Variants in SEC24C observed in about 807,000 individuals in gnomAD.
The protein encoded by SEC24C is protein transport protein Sec24C.
A neutral mutation model predicts 117.0 loss-of-function variants in SEC24C; 22 were observed. The ratio of observed to expected loss-of-function variants is 0.19; its 90% CI spans 0.13 to 0.27. The LOEUF (loss-of-function observed/expected upper bound fraction) is 0.27, where lower values mean the gene tolerates loss of function less well. Among genes scored for constraint, SEC24C ranks in the 10% least tolerant of loss-of-function variants. The pLI is 1.00. For synonymous variants in SEC24C, 506 were observed against 529.4 expected, an observed-to-expected ratio of 0.96 and a Z score of 0.61; for missense variants, 1,155 against 1,375.1, an observed-to-expected ratio of 0.84 and a Z score of 2.53.
intron 14 of SEC24C, 126 bp from the exon 15 acceptor site, chr10:73,767,711 A>G (rs1178203406): frequency 1.4e-6 from 1 of 697,380 alleles, no homozygotes; most frequent in Non-Finnish European, 2.2e-6. Flanking sequence ...TACTATTGGA[A>G]AATCCTTGGA....
rs755146407 is a variant in SEC24C, at chr10:73,751,235, G to C, written c.300G>C (p.Gln100His). The C allele has an allele frequency of 3.1e-6, 5 of 1,613,728 alleles. No homozygotes were observed. In the South Asian group the frequency reaches 3.3e-5, roughly 11 times the overall value. Reference sequence around the variant, plus strand: ...AGAATGGGCCAAGCTCCACTGTTCAGATGCAAAGGTAGGTACTTGGTCAAT... The same window carrying C: ...AGAATGGGCCAAGCTCCACTGTTCACATGCAAAGGTAGGTACTTGGTCAAT... The part of the protein sequence containing the change: ...DVQNGPSSTV[Q>H]MQRLPGSQPF... Residue 100 changes from glutamine (Q) to histidine (H), a missense_variant, in exon 3 of 23, where the codon CAG becomes CAC. Gln to His is a conservative substitution (Grantham distance 24). This residue lies in a region of SEC24C where 396 missense variants were observed against 382.8 expected (regional missense o/e 1.03). Transcript: ENST00000345254.
In SEC24C at chr10:73,759,645, G is replaced by A; in HGVS notation, c.332G>A (p.Gly111Glu). 1 of 1,539,042 alleles carries A rather than the reference G, an allele frequency of 6.5e-7. No individual in the cohort carries two copies. The highest frequency in any genetic ancestry group is 8.7e-7 in the Non-Finnish European group (1 of 1,144,994). The stretch of plus-strand genomic sequence containing the variant: ...AGGCTGCCTGGGTCTCAGCCATTTG[G>A]GTCCCCATTGGCCCCTGTGGGCAAC... ...MQRLPGSQPF[G>E]SPLAPVGNQP... The change falls in exon 4 of 23, where the codon GGG (glycine) becomes GAG (glutamate). Residue 111 changes from glycine (G) to glutamate (E), a missense_variant. Coordinates refer to ENST00000345254, the MANE Select transcript of SEC24C (RefSeq NM_198597.3).
At chr10:73,762,032 T>C (rs911782261) in intron 6 of SEC24C, 4 of 1,109,744 alleles carry the variant, frequency 3.6e-6, no homozygotes, top group Non-Finnish European at 4.9e-6. Context: ...AAGTAACATC[T>C]GCCTCTTGTT....
intron 3 of SEC24C, 132 bp from the exon 4 acceptor site, chr10:73,759,490 C>A: frequency 5.5e-6 from 3 of 543,262 alleles, no homozygotes; most frequent in South Asian, 5.5e-5. Context: ...AAGTATGAAG[C>A]CATAAAAGAA....
chr10:73,770,594 T>A, intron 21 of SEC24C, 115 bp from the exon 22 acceptor site: 6 of 1,490,538 alleles, frequency 4.0e-6, no homozygotes, highest in Non-Finnish European at 5.6e-6. Flanking sequence ...ACAAGGGCAG[T>A]TGCTGTCATT....
At chr10:73,744,604 C>G (rs1227649641) in intron 1 of SEC24C, among the ~76,000 whole-genome samples, 167 bp downstream of exon 1, 1 of 152,158 alleles carries the variant, frequency 6.6e-6, no homozygotes, top group African/African-American at 2.4e-5. Context: ...GGTCCTAGAC[C>G]ATCCCTTCGT....
intron 9 of SEC24C, 81 bp from the exon 10 acceptor site, chr10:73,765,719 T>C: frequency 6.4e-7 from 1 of 1,554,106 alleles, no homozygotes; most frequent in Non-Finnish European, 8.9e-7. Flanking sequence ...GAATGAGGGA[T>C]AGTGGTGTGA....
intron 15 of SEC24C, 70 bp downstream of exon 15, chr10:73,768,077 G>A: frequency 7.0e-7 from 1 of 1,438,020 alleles, no homozygotes; most frequent in Admixed American, 1.9e-5. Flanking sequence ...TGCAGTGGCT[G>A]ACTCATTAAT....
At chr10:73,760,608 G>A in intron 5 of SEC24C, 105 bp from the exon 6 acceptor site, 1 of 1,266,090 alleles carries the variant, frequency 7.9e-7, no homozygotes, top group Non-Finnish European at 1.1e-6. Context: ...AGGCATTAGT[G>A]TGCCTCATAA....
intron 3 of SEC24C, among the ~76,000 whole-genome samples, chr10:73,753,047 A>C (rs2082663754): frequency 6.6e-6 from 1 of 151,708 alleles, no homozygotes; most frequent in African/African-American, 2.4e-5. Flanking sequence ...TACAGTAATT[A>C]CTTTCTTTTT....
intron 2 of SEC24C, among the ~76,000 whole-genome samples, chr10:73,749,695 C>G (rs1378182509): frequency 3.3e-5 from 5 of 152,094 alleles, no homozygotes; most frequent in Admixed American, 3.3e-4. Flanking sequence ...AGGCACATGC[C>G]ACCACGCCCG....
chr10:73,770,170 C>T, intron 20 of SEC24C, 110 bp from the exon 21 acceptor site: 1 of 1,278,892 alleles, frequency 7.8e-7, no homozygotes, highest in Non-Finnish European at 1.1e-6. Flanking sequence ...ACTGAGACCC[C>T]AGAAGGGGTG....
At chr10:73,751,081 C>T in intron 2 of SEC24C, 27 bp from the exon 3 acceptor site, 1 of 1,600,516 alleles carries the variant, frequency 6.2e-7, no homozygotes, top group Non-Finnish European at 8.5e-7. Context: ...ATTTCCCAAT[C>T]ACTTAGTTTC....
chr10:73,747,057 T>G, intron 2 of SEC24C, 53 bp downstream of exon 2: 1 of 1,549,912 alleles, frequency 6.5e-7, no homozygotes, highest in Middle Eastern at 1.7e-4. Flanking sequence ...CAGCAGAGTC[T>G]TCAGGTTGGG....
intron 8 of SEC24C, among the ~76,000 whole-genome samples, chr10:73,764,533 A>C (rs1278419470): frequency 6.6e-6 from 1 of 151,910 alleles, no homozygotes. Flanking sequence ...CAAAAAAAAA[A>C]AAAAAAACAA....
Position 73,757,920 on chromosome 10 carries a change from C to CA in SEC24C, c.309-1674dup, listed in dbSNP as rs61625607. 4.5e-3 allele frequency among the ~76,000 whole-genome samples: 175 copies of CA among 38,896 alleles called. 13 individuals are homozygous for CA. Among genetic ancestry groups the CA allele is most frequent in the East Asian group, 4.9e-3 (6 of 1,214 alleles). The allele number at this position is 38,896 out of a possible 152,430, so 25.5% of individuals were successfully genotyped here. A position where few individuals can be genotyped will look rare whatever the true frequency, so the allele number is the denominator to read the frequency against. On this transcript the variant is annotated intron_variant, in intron 3 of 22. Transcript: ENST00000345254. ...TGGGTGACAGAGCGAGACCCTGTCT[C>CA]AAAAAAAAAAAAAAAAAAAAAAAAA...
At position 73,769,691 on chromosome 10, in the gene SEC24C, C is replaced by A. The variant is rs770225298; in HGVS notation, c.2640C>A (p.Ala880=). 4 of 1,614,084 alleles carry A rather than the reference C, an allele frequency of 2.5e-6. No individual in the cohort carries two copies. The highest frequency in any genetic ancestry group is 3.4e-6 in the Non-Finnish European group (4 of 1,180,040). ...TCACCCAGTGTGCCCAGATCCTGGC[C>A]TGTTACAGAAAGAACTGTGCTAGCC... is the stretch of plus-strand genomic sequence containing the variant. The part of the protein sequence containing the change: ...TLITQCAQIL[A]CYRKNCASPS... The change falls in exon 19 of 23, where the codon GCC becomes GCA. Residue 880 remains alanine (A), a synonymous_variant. Coordinates refer to ENST00000345254, the MANE Select transcript of SEC24C (RefSeq NM_198597.3). The surrounding 1 kb of genome is among the most constrained non-coding windows in gnomAD (Gnocchi z 4.5).
intron 1 of SEC24C, among the ~76,000 whole-genome samples, chr10:73,745,310 G>A (rs2082529884): frequency 6.6e-6 from 1 of 151,998 alleles, no homozygotes. Flanking sequence ...TTTGATGGTG[G>A]CTGAGATTCA....
chr10:73,763,108 C>T (rs999475868), intron 6 of SEC24C, among the ~76,000 whole-genome samples: 53 of 151,728 alleles, frequency 3.5e-4, no homozygotes, highest in Admixed American at 3.3e-3. Context: ...GGGAGAGGAT[C>T]GGGGAAGGCA....
Sources: allele counts gnomAD v4.1 joint callset (sites outside exome capture counted in the v4.1 genomes callset), GRCh38; gene constraint gnomAD v4.1.1; regional missense constraint gnomAD v4.1.1; non-coding constraint Gnocchi (gnomAD v3.1); transcripts MANE v1.5; gene names NCBI Gene and HGNC (gene_info 2026-07-23, HGNC 2026-07-21).